RIMS2: variants seen among roughly 807,000 people sequenced by gnomAD.
RIMS2 encodes regulating synaptic membrane exocytosis protein 2.
In RIMS2, 59 loss-of-function variants were observed where a neutral mutation model predicts 174.4. The observed-to-expected ratio is 0.34, with a 90% CI of 0.27 to 0.42. The LOEUF is 0.42. Ranked by LOEUF, RIMS2 falls within the 10% of genes least tolerant of loss-of-function variation. The pLI is 1.00. For missense variants in RIMS2, 1,620 were observed against 1,666.3 expected (o/e 0.97, Z 0.48); for synonymous variants, 606 against 572.5 (o/e 1.06, Z -0.84).
At chr8:103,787,740 A>G (rs533557510) in intron 3 of RIMS2, among the ~76,000 whole-genome samples, 2 of 152,108 alleles carry the variant, frequency 1.3e-5, no homozygotes, top group South Asian at 2.1e-4. Context: ...GAATCTGACA[A>G]TTATGTTCTT....
intron 19 of RIMS2, among the ~76,000 whole-genome samples, chr8:104,052,770 A>G (rs1042393049): frequency 5.3e-5 from 8 of 152,116 alleles, no homozygotes; most frequent in African/African-American, 1.9e-4. Context: ...TAGAGCTTAC[A>G]GGAAAGGTAG....
intron 2 of RIMS2, among the ~76,000 whole-genome samples, chr8:103,725,131 C>A (rs547321042): frequency 2.6e-5 from 4 of 152,206 alleles, no homozygotes; most frequent in Non-Finnish European, 5.9e-5. Flanking sequence ...CAACTCCTAT[C>A]TCCCCCACCC....
chr8:103,581,288 A>G (rs2430750), intron 1 of RIMS2, among the ~76,000 whole-genome samples: 59,467 of 152,072 alleles, frequency 0.39, 12,296 homozygotes, highest in East Asian at 0.77. Flanking sequence ...CACCATGATC[A>G]AGTGGGATTC....
chr8:103,555,772 G>T (rs1173514405), intron 1 of RIMS2, among the ~76,000 whole-genome samples: 1 of 147,010 alleles, frequency 6.8e-6, no homozygotes, highest in Non-Finnish European at 1.5e-5. Flanking sequence ...TGCAGCCTGG[G>T]TGTCAGAGCG....
chr8:103,508,625 T>C (rs1201802504), intron 1 of RIMS2, among the ~76,000 whole-genome samples: 1 of 151,976 alleles, frequency 6.6e-6, no homozygotes, highest in Non-Finnish European at 1.5e-5. Flanking sequence ...GATTTGGCAA[T>C]AGGGAGTCAT....
intron 1 of RIMS2, among the ~76,000 whole-genome samples, chr8:103,582,197 A>G (rs1403146624): frequency 2.5e-4 from 38 of 152,090 alleles, no homozygotes; most frequent in Admixed American, 2.5e-3. Flanking sequence ...GATGGAACCC[A>G]CTGCCTTGAA....
intron 3 of RIMS2, among the ~76,000 whole-genome samples, chr8:103,773,043 G>C (rs2098271281): frequency 6.6e-6 from 1 of 152,030 alleles, no homozygotes; most frequent in Non-Finnish European, 1.5e-5. Flanking sequence ...GGCTAAAACT[G>C]TAAAGCTTGT....
chr8:103,854,728 T>TA (rs1209129840), intron 3 of RIMS2, among the ~76,000 whole-genome samples: 1 of 152,068 alleles, frequency 6.6e-6, no homozygotes, highest in Non-Finnish European at 1.5e-5. Flanking sequence ...TTGGTTGTGG[T>TA]ATATTAACTT....
intron 1 of RIMS2, among the ~76,000 whole-genome samples, chr8:103,690,022 G>A (rs779274552): frequency 1.7e-4 from 26 of 150,082 alleles, no homozygotes; most frequent in South Asian, 2.1e-4. Flanking sequence ...GTGCAGTGGC[G>A]TAATCTCAGC....
intron 3 of RIMS2, among the ~76,000 whole-genome samples, chr8:103,840,769 C>T (rs572626550): frequency 2.0e-5 from 3 of 152,074 alleles, no homozygotes; most frequent in Admixed American, 6.6e-5. Flanking sequence ...TCACTGTATA[C>T]TGTGGGAATG....
At chr8:103,856,682 G>A (rs2099029346) in intron 3 of RIMS2, among the ~76,000 whole-genome samples, 1 of 152,090 alleles carries the variant, frequency 6.6e-6, no homozygotes, top group Non-Finnish European at 1.5e-5. Flanking sequence ...TCTACTTATG[G>A]TAAATATGGC....
At chr8:103,569,508 T>C (rs1352284134) in intron 1 of RIMS2, among the ~76,000 whole-genome samples, 2 of 152,182 alleles carry the variant, frequency 1.3e-5, no homozygotes, top group African/African-American at 4.8e-5. Flanking sequence ...TGTCTTTCCA[T>C]GTATTTAAAT....
At chr8:103,647,935 G>C (rs1258657662) in intron 1 of RIMS2, among the ~76,000 whole-genome samples, 1 of 139,918 alleles carries the variant, frequency 7.1e-6, no homozygotes, top group East Asian at 2.0e-4. Flanking sequence ...CTTCAGTTCA[G>C]TTTTGATCTT....
intron 19 of RIMS2, among the ~76,000 whole-genome samples, chr8:104,207,873 T>G (rs2099087950): frequency 6.6e-6 from 1 of 150,932 alleles, no homozygotes. Flanking sequence ...TAATATTCGG[T>G]AATAGTGGCC....
chr8:103,645,296 A>G (rs752725813), intron 1 of RIMS2, among the ~76,000 whole-genome samples: 5 of 152,082 alleles, frequency 3.3e-5, no homozygotes, highest in Non-Finnish European at 5.9e-5. Flanking sequence ...TGCAAATAAG[A>G]TATTACACTC....
intron 3 of RIMS2, among the ~76,000 whole-genome samples, chr8:103,878,156 C>G (rs928992653): frequency 6.6e-6 from 1 of 151,848 alleles, no homozygotes; most frequent in Admixed American, 6.6e-5. Flanking sequence ...CTCACTCTTG[C>G]ATGCTGCCAT....
chr8:104,205,369 G>A (rs778702046), intron 19 of RIMS2, among the ~76,000 whole-genome samples: 3 of 152,036 alleles, frequency 2.0e-5, no homozygotes, highest in Non-Finnish European at 2.9e-5. Flanking sequence ...TCTGGCTTGA[G>A]TGTTTGCCAG....
chr8:103,719,824 A>T (rs1312878947), intron 2 of RIMS2, among the ~76,000 whole-genome samples: 2 of 152,184 alleles, frequency 1.3e-5, no homozygotes, highest in Admixed American at 6.5e-5. Flanking sequence ...GTCTAGTGAG[A>T]ACAACATGAA....
At chr8:103,505,875 C>G (rs1338900191) in intron 1 of RIMS2, among the ~76,000 whole-genome samples, 1 of 151,986 alleles carries the variant, frequency 6.6e-6, no homozygotes, top group Admixed American at 6.5e-5. Flanking sequence ...CATTTGTATT[C>G]CCTTTTCTAT....
Sources: allele counts gnomAD v4.1 joint callset (sites outside exome capture counted in the v4.1 genomes callset), GRCh38; gene constraint gnomAD v4.1.1; transcripts MANE v1.5; gene names NCBI Gene and HGNC (gene_info 2026-07-23, HGNC 2026-07-21).